The following BOD1L1 variants were observed in gnomAD, a reference collection of about 807,000 sequenced individuals.
BOD1L1 encodes the protein biorientation of chromosomes in cell division protein 1-like 1.
Under a neutral mutation model 240.7 loss-of-function variants are expected in BOD1L1, and 86 were observed. The observed-to-expected ratio is 0.36, with a 90% CI of 0.30 to 0.43. The LOEUF (loss-of-function observed/expected upper bound fraction) is 0.43. Ranked by LOEUF, BOD1L1 falls within the 20% of genes least tolerant of loss-of-function variation. BOD1L1 has a pLI of 1.00. For synonymous variants in BOD1L1, 1,268 were observed against 1,272.3 expected (o/e 1.00, Z 0.07); for missense variants, 3,554 against 3,643.5 (o/e 0.98, Z 0.63).
In BOD1L1 at chr4:13,614,602, C is replaced by G. The variant is rs1265391649; in HGVS notation, c.768G>C (p.Met256Ile). The change falls in exon 4 of 26, where the codon ATG becomes ATC. Residue 256 changes from methionine to isoleucine, a missense_variant. Met to Ile is a conservative substitution (Grantham distance 10). This residue lies in a region of BOD1L1 where 3,393 missense variants were observed against 3,427.1 expected (regional missense o/e 0.99). Transcript: ENST00000040738. ...STDKERTSEDMADKEKSTADS... is the reference protein window; with the variant it reads ...STDKERTSEDIADKEKSTADS... ...CAGCTGTAGATTTTTCTTTATCAGC[C>G]ATGTCCTCTGAAGTTCTTTCTTTGT... 5.6e-6 allele frequency: 9 copies of G among 1,613,766 alleles called. No homozygotes were observed. Among genetic ancestry groups the G allele is most frequent in the Non-Finnish European group, 7.6e-6 (9 of 1,179,884 alleles).
At position 13,619,943 on chromosome 4, in the gene BOD1L1, T is replaced by G; in HGVS notation, c.368A>C (p.Lys123Thr). The part of the protein sequence containing the change: ...LRNNIRQQVL[K>T]SGMLESGIDR... ...CCAGAACTCTATCTCTGAGACTTAC[T>G]TGAGGACTTGTTGTCTAATGTTGTT... is the stretch of plus-strand genomic sequence containing the variant. Residue 123 changes from lysine to threonine, a missense_variant and splice_region_variant, in exon 2 of 26, where the codon AAA becomes ACA. Around this residue, in one of 2 missense-constraint regions of BOD1L1, gnomAD observed 161 missense variants for 216.4 expected, o/e 0.74. Transcript: ENST00000040738. The G allele has an allele frequency of 6.2e-7, 1 of 1,612,940 alleles. No individual in the cohort carries two copies. The highest frequency in any genetic ancestry group is 1.7e-5 in the Admixed American group (1 of 59,870).
In BOD1L1 at chr4:13,581,030, C is replaced by T; in HGVS notation, c.8693G>A (p.Gly2898Asp). Residue 2898 changes from glycine (G) to aspartate (D), a missense_variant, in exon 21 of 26, where the codon GGC (glycine) becomes GAC (aspartate). By Grantham distance (94) the Gly-to-Asp change is moderately conservative. This residue lies in a region of BOD1L1 where 3,393 missense variants were observed against 3,427.1 expected (regional missense o/e 0.99). Transcript: ENST00000040738. ...KMKDDSKTDT[G>D]IVTVEQSPSS... ...TTTGCAATTACTTACAGTGACAATG[C>T]CAGTATCTGTTTTGGAGTCGTCTTC... 2 of 1,574,162 alleles carry T rather than the reference C, an allele frequency of 1.3e-6. No individual in the cohort carries two copies. The highest frequency in any genetic ancestry group is 8.6e-7 in the Non-Finnish European group (1 of 1,159,184).
In BOD1L1 at chr4:13,603,004, T is replaced by A; in HGVS notation, c.3896A>T (p.Asp1299Val). 6.2e-7 allele frequency: 1 copy of A among 1,614,016 alleles called. No individual in the cohort carries two copies. The highest frequency in any genetic ancestry group is 8.5e-7 in the Non-Finnish European group (1 of 1,179,886). The change falls in exon 10 of 26, where the codon GAT becomes GTT. Residue 1299 changes from aspartate (D) to valine (V), a missense_variant. Coordinates refer to ENST00000040738, the MANE Select transcript of BOD1L1 (RefSeq NM_148894.3). ...VVPLRESYDP[D>V]VIPLFDKRTV... Reference sequence around the variant, plus strand: ...TCTTTTGTCAAACAGAGGAATTACATCTGGATCATACGATTCCCTCAGAGG... The same window carrying A: ...TCTTTTGTCAAACAGAGGAATTACAACTGGATCATACGATTCCCTCAGAGG...
chr4:13,593,959 T>C (rs1428945350), intron 12 of BOD1L1, among the ~76,000 whole-genome samples: 1 of 152,212 alleles, frequency 6.6e-6, no homozygotes, highest in Non-Finnish European at 1.5e-5. Flanking sequence ...CATGTACTTA[T>C]GCTAAATCAG....
At chr4:13,580,388 G>C (rs1450776965) in intron 21 of BOD1L1, among the ~76,000 whole-genome samples, 1 of 152,094 alleles carries the variant, frequency 6.6e-6, no homozygotes, top group Non-Finnish European at 1.5e-5. Flanking sequence ...CCCATGATTG[G>C]CCCTAAGTCA....
intron 1 of BOD1L1, chr4:13,625,511 A>G (rs1717325253): frequency 6.6e-6 from 1 of 152,218 alleles, no homozygotes; most frequent in South Asian, 2.1e-4. Flanking sequence ...ATAGGATAAT[A>G]AAAAAGTTGA....
At chr4:13,577,068 G>T in intron 24 of BOD1L1, 77 bp from the exon 25 acceptor site, 1 of 1,520,252 alleles carries the variant, frequency 6.6e-7, no homozygotes. Context: ...ATGGAGTTTA[G>T]AACTTAGGAT....
intron 9 of BOD1L1, among the ~76,000 whole-genome samples, chr4:13,606,405 C>T (rs968147040): frequency 6.6e-6 from 1 of 152,060 alleles, no homozygotes; most frequent in African/African-American, 2.4e-5. Context: ...ACTAACATTG[C>T]TTTTTCCCTC....
At chr4:13,621,761 C>T (rs984108353) in intron 1 of BOD1L1, among the ~76,000 whole-genome samples, 1 of 152,124 alleles carries the variant, frequency 6.6e-6, no homozygotes, top group African/African-American at 2.4e-5. Context: ...GCCCTTTCAT[C>T]AGTTCCAATT....
chr4:13,600,544 A>G lies in BOD1L1; in HGVS notation c.6356T>C (p.Met2119Thr), dbSNP rs746270144. Residue 2119 changes from methionine (M) to threonine (T), a missense_variant, in exon 10 of 26, where the codon ATG (methionine) becomes ACG (threonine). Physicochemically the swap from Met to Thr is moderately conservative, Grantham distance 81. Transcript: ENST00000040738. ...RVTTEEFEAP[M>T]PSAVSGDDSQ... ...GTCATCTCCTGAGACTGCACTGGGC[A>G]TGGGGGCCTCAAATTCTTCTGTGGT... 9 of 1,613,942 alleles carry G rather than the reference A, an allele frequency of 5.6e-6. No homozygotes were observed. The highest frequency in any genetic ancestry group is 1.7e-5 in the Admixed American group (1 of 60,020).
chr4:13,599,770 C>G lies in BOD1L1; in HGVS notation c.7130G>C (p.Ser2377Thr). ...CCGACAGTTATTCTCAGCAATTAGG[C>G]TGGGCATGGGGACCTTGTGCTTGCT... is the stretch of plus-strand genomic sequence containing the variant. Reference protein sequence around the residue: ...EVSKHKVPMPSLIAENNCRCP... With the variant: ...EVSKHKVPMPTLIAENNCRCP... The change falls in exon 10 of 26, where the codon AGC (serine) becomes ACC (threonine). Residue 2377 changes from serine (S) to threonine (T), a missense_variant. Coordinates refer to ENST00000040738, the MANE Select transcript of BOD1L1 (RefSeq NM_148894.3). The G allele has an allele frequency of 2.5e-6, 4 of 1,614,030 alleles. 1 individual carries two copies. In the South Asian group the frequency reaches 4.4e-5, roughly 18 times the overall value.
intron 10 of BOD1L1, 133 bp downstream of exon 10, chr4:13,598,813 T>C: frequency 2.2e-6 from 2 of 916,320 alleles, no homozygotes; most frequent in South Asian, 2.1e-5. Context: ...AACATTATGA[T>C]ATGAGAAAAA....
chr4:13,615,185 A>C, intron 3 of BOD1L1, 127 bp downstream of exon 3: 1 of 947,834 alleles, frequency 1.1e-6, no homozygotes, highest in South Asian at 2.0e-5. Context: ...AATTTAGGTG[A>C]TATTTAAAGT....
At chr4:13,583,059 T>C (rs1713363807) in intron 17 of BOD1L1, among the ~76,000 whole-genome samples, 1 of 152,146 alleles carries the variant, frequency 6.6e-6, no homozygotes, top group Non-Finnish European at 1.5e-5. Flanking sequence ...AAAGGAAGAA[T>C]GGACAGATAC....
intron 25 of BOD1L1, chr4:13,572,662 A>C: frequency 1.6e-6 from 2 of 1,280,344 alleles, no homozygotes; most frequent in Non-Finnish European, 2.0e-6. Context: ...AAATAGTCTT[A>C]GGGGGTTAAA....
Position 13,600,024 on chromosome 4 carries a change from C to T in BOD1L1, c.6876G>A (p.Met2292Ile), listed in dbSNP as rs1714976666. 1 of 1,609,640 alleles carries T rather than the reference C, an allele frequency of 6.2e-7. No individual in the cohort carries two copies. The highest frequency in any genetic ancestry group is 8.5e-7 in the Non-Finnish European group (1 of 1,177,928). The change falls in exon 10 of 26, where the codon ATG becomes ATA. Residue 2292 changes from methionine (M) to isoleucine (I), a missense_variant. Physicochemically the swap from Met to Ile is conservative, Grantham distance 10. Coordinates refer to ENST00000040738, the MANE Select transcript of BOD1L1 (RefSeq NM_148894.3). ...TPAEEMGDTA[M>I]ISTSTSEGCE... Reference sequence around the variant, plus strand: ...ACCCTTCAGAGGTGCTTGTGGAAATCATGGCGGTGTCACCCATCTCTTCCG... The same window carrying T: ...ACCCTTCAGAGGTGCTTGTGGAAATTATGGCGGTGTCACCCATCTCTTCCG...
intron 22 of BOD1L1, chr4:13,577,844 T>A: frequency 2.5e-6 from 1 of 396,804 alleles, no homozygotes; most frequent in African/African-American, 2.1e-5. Context: ...CATTTCAGAT[T>A]TTATTTAAAT....
At chr4:13,591,492 T>A (rs1714210771) in intron 13 of BOD1L1, among the ~76,000 whole-genome samples, 1 of 152,132 alleles carries the variant, frequency 6.6e-6, no homozygotes, top group Non-Finnish European at 1.5e-5. Flanking sequence ...CAAGACTCTT[T>A]CAAGAATGAA....
chr4:13,571,008 A>G (rs1448788889), intron 25 of BOD1L1, among the ~76,000 whole-genome samples: 1 of 152,264 alleles, frequency 6.6e-6, no homozygotes, highest in Non-Finnish European at 1.5e-5. Context: ...AGGACACAAC[A>G]GAAAATACCA....
Sources: allele counts gnomAD v4.1 joint callset (sites outside exome capture counted in the v4.1 genomes callset), GRCh38; gene constraint gnomAD v4.1.1; regional missense constraint gnomAD v4.1.1; transcripts MANE v1.5; gene names NCBI Gene and HGNC (gene_info 2026-07-23, HGNC 2026-07-21).